PTPRH: variants seen among roughly 807,000 people sequenced by gnomAD.
PTPRH encodes the protein protein tyrosine phosphatase receptor type H.
PTPRH carries 113 observed loss-of-function variants against 130.2 expected under a neutral mutation model. The ratio of observed to expected loss-of-function variants is 0.87; its 90% CI spans 0.75 to 1.01. PTPRH has a LOEUF of 1.01. Among genes scored for constraint, PTPRH ranks in the 50% least tolerant of loss-of-function variants. PTPRH has a pLI of 0.00. For missense variants in PTPRH, 1,430 were observed against 1,425.0 expected (o/e 1.00, Z -0.06); for synonymous variants, 556 against 577.9 (o/e 0.96, Z 0.54).
chr19:55,201,026 T>A (rs1025199194), intron 6 of PTPRH, among the ~76,000 whole-genome samples: 2 of 152,072 alleles, frequency 1.3e-5, no homozygotes, highest in Non-Finnish European at 2.9e-5. Context: ...CTTGCAAGAT[T>A]AGGTCATAAA....
Position 55,205,731 on chromosome 19 carries a change from C to T in PTPRH, c.353-139G>A, listed in dbSNP as rs958563304. Reference sequence around the variant, plus strand: ...TGTCCAGTGTGGCAGCCACGAGTTCCACGTGAGTGTTGAGCACCGTGAGGT... The same window carrying T: ...TGTCCAGTGTGGCAGCCACGAGTTCTACGTGAGTGTTGAGCACCGTGAGGT... On this transcript the variant is annotated intron_variant, in intron 3 of 19. Coordinates refer to ENST00000376350, the MANE Select transcript of PTPRH (RefSeq NM_002842.5). 7.7e-6 allele frequency: 10 copies of T among 1,297,350 alleles called. No homozygotes were observed. In the African/African-American group the frequency reaches 1.2e-4, roughly 16 times the overall value. 80.4% of individuals were successfully genotyped at this position (1,297,350 alleles called of 1,614,324 possible). A position where few individuals can be genotyped will look rare whatever the true frequency, so the allele number is the denominator to read the frequency against.
chr19:55,192,792 C>T (rs991715493), intron 10 of PTPRH, among the ~76,000 whole-genome samples: 7 of 151,748 alleles, frequency 4.6e-5, no homozygotes, highest in African/African-American at 1.7e-4. Flanking sequence ...ACCTCGTGAT[C>T]CACCTGCCTC....
chr19:55,187,174 T>C (rs2086369041), intron 14 of PTPRH, among the ~76,000 whole-genome samples: 1 of 147,768 alleles, frequency 6.8e-6, no homozygotes, highest in Admixed American at 6.8e-5. Flanking sequence ...TGAAACCCTG[T>C]CTCTACCAAA....
intron 8 of PTPRH, among the ~76,000 whole-genome samples, chr19:55,198,294 A>G (rs2086748902): frequency 6.6e-6 from 1 of 152,160 alleles, no homozygotes; most frequent in African/African-American, 2.4e-5. Context: ...GCCTAGGCTG[A>G]GAGGTGGGGC....
chr19:55,191,449 C>T, intron 12 of PTPRH, 52 bp downstream of exon 12: 1 of 1,600,096 alleles, frequency 6.2e-7, no homozygotes, highest in African/African-American at 1.3e-5. Context: ...CAGCAAACAC[C>T]CCTTGATTTG....
At chr19:55,186,058 T>C in intron 16 of PTPRH, 74 bp from the exon 17 acceptor site, 2 of 1,607,496 alleles carry the variant, frequency 1.2e-6, no homozygotes, top group Non-Finnish European at 1.7e-6. Context: ...AGGCCCCAAA[T>C]GTGAACCAGC....
chr19:55,196,760 A>C lies in PTPRH; in HGVS notation c.2019T>G (p.Cys673Trp), dbSNP rs1245573936. Residue 673 changes from cysteine (C) to tryptophan (W), a missense_variant, in exon 10 of 20, where the codon TGT becomes TGG. By Grantham distance (215) the Cys-to-Trp change is radical (BLOSUM62 -2). Transcript: ENST00000376350. ...TYPDTVTITS[C>W]VSTSAGYGVN... ...CTCCATAGCCCGCTGAGGTGCTGAC[A>C]CAGGAAGTGATGGTGACTGTGTCTG... is the stretch of plus-strand genomic sequence containing the variant. The C allele has an allele frequency of 1.2e-6, 2 of 1,614,044 alleles. No individual in the cohort carries two copies. Among genetic ancestry groups the C allele is most frequent in the Non-Finnish European group, 8.5e-7 (1 of 1,179,934 alleles).
chr19:55,206,804 T>C lies in PTPRH; in HGVS notation c.237A>G (p.Thr79=). 2 of 1,613,976 alleles carry C rather than the reference T, an allele frequency of 1.2e-6. No homozygotes were observed. Among genetic ancestry groups the C allele is most frequent in the Non-Finnish European group, 1.7e-6 (2 of 1,179,854 alleles). The change falls in exon 3 of 20, where the codon ACA becomes ACG. Residue 79 remains threonine (T), a synonymous_variant. Coordinates refer to ENST00000376350, the MANE Select transcript of PTPRH (RefSeq NM_002842.5). ...CATCCACGGTGACGTTGGTGGCTGT[T>C]GTGTTTCGAGTCTCTGTTGTGCCGC... ...GDGGTTETRN[T]TATNVTVDGL...
At chr19:55,181,931 C>T (rs376114177) in intron 19 of PTPRH, 28 bp from the exon 20 acceptor site, 12 of 1,613,994 alleles carry the variant, frequency 7.4e-6, no homozygotes, top group African/African-American at 2.7e-5. Context: ...GAGTGAGAGG[C>T]GTCCCCCCAG....
intron 5 of PTPRH, among the ~76,000 whole-genome samples, chr19:55,202,673 A>T (rs934419217): frequency 6.6e-6 from 1 of 151,904 alleles, no homozygotes; most frequent in African/African-American, 2.4e-5. Context: ...ATATATATAT[A>T]TTTTGTGGGT....
chr19:55,205,260 G>A (rs372325742), intron 4 of PTPRH, 66 bp downstream of exon 4: 41 of 1,593,346 alleles, frequency 2.6e-5, no homozygotes, highest in South Asian at 3.4e-5. Flanking sequence ...ATAGAAATCC[G>A]CTACGTTCTC....
intron 3 of PTPRH, among the ~76,000 whole-genome samples, chr19:55,206,006 G>T (rs185702230): frequency 6.6e-6 from 1 of 152,170 alleles, no homozygotes. Context: ...GCCGAGGCAG[G>T]CGGATCACCT....
At position 55,200,577 on chromosome 19, in the gene PTPRH, C is replaced by T. The variant is rs188947259; in HGVS notation, c.1154-75G>A. On this transcript the variant is annotated intron_variant, in intron 6 of 19. Coordinates refer to ENST00000376350, the MANE Select transcript of PTPRH (RefSeq NM_002842.5). ...CGGGGCAGGAGTGGGCCCCTCACTG[C>T]CCTCAACCATCTTAGCTCTTGTTCA... The T allele has an allele frequency of 6.6e-5, 97 of 1,472,734 alleles. 1 individual carries two copies. The Middle Eastern group carries it at 1.4e-3, about 21-fold the overall frequency. 91.2% of individuals were successfully genotyped at this position (1,472,734 alleles called of 1,614,324 possible).
chr19:55,204,852 C>T (rs1416924091), intron 4 of PTPRH, among the ~76,000 whole-genome samples: 4 of 152,172 alleles, frequency 2.6e-5, no homozygotes, highest in African/African-American at 9.7e-5. Flanking sequence ...GCAACTTTAA[C>T]GAGCTTAAAT....
chr19:55,202,397 G>A lies in PTPRH; in HGVS notation c.887-75C>T. The A allele has an allele frequency of 1.9e-6, 3 of 1,577,188 alleles. No homozygotes were observed. In the South Asian group the frequency reaches 3.6e-5, roughly 19 times the overall value. ...ACTTTCCAGCCCTTCCTTAACCATT[G>A]CATCCAGCAGGTGGAGGCAGGGAGG... On this transcript the variant is annotated intron_variant, in intron 5 of 19. Coordinates refer to ENST00000376350, the MANE Select transcript of PTPRH (RefSeq NM_002842.5).
intron 16 of PTPRH, 49 bp downstream of exon 16, chr19:55,186,176 C>T (rs746304303): frequency 1.7e-5 from 27 of 1,580,488 alleles, no homozygotes; most frequent in Middle Eastern, 1.7e-4. Context: ...GATGAGTGTT[C>T]GGGGCGGGGT....
At chr19:55,197,017 C>A (rs183472742) in intron 9 of PTPRH, 100 bp downstream of exon 9, 4 of 1,445,506 alleles carry the variant, frequency 2.8e-6, no homozygotes, top group Non-Finnish European at 3.8e-6. Flanking sequence ...GAAGTCATGG[C>A]CTGTGGCCTG....
intron 8 of PTPRH, 38 bp downstream of exon 8, chr19:55,198,605 T>C (rs531061087): frequency 4.3e-5 from 65 of 1,520,484 alleles, no homozygotes; most frequent in Middle Eastern, 3.5e-4. Flanking sequence ...CCTTCCCCCA[T>C]CCTAATAGGG....
Position 55,182,130 on chromosome 19 carries a change from TC to T in PTPRH, c.3083del (p.Gly1028GlufsTer25). The part of the protein sequence containing the change: ...VHCSAGVGRT[G>X]TLIALDVLLR... ...GCAGGACGTCCAGGGCAATGAGGGT[TC>T]CTGTGCGACCCACGCCAGCACTAGG... On this transcript the variant is annotated frameshift_variant, in exon 19 of 20. Transcript: ENST00000376350. LOFTEE classifies it high-confidence loss of function. 1 of 1,613,926 alleles carries T rather than the reference TC, an allele frequency of 6.2e-7. No individual in the cohort carries two copies. The highest frequency in any genetic ancestry group is 2.2e-5 in the East Asian group (1 of 44,874).
Sources: gnomAD v4.1 joint callset for allele counts (sites outside exome capture counted in the v4.1 genomes callset) on GRCh38, gnomAD v4.1.1 for gene constraint, MANE v1.5 for transcripts, NCBI Gene and HGNC (gene_info 2026-07-23, HGNC 2026-07-21) for gene names.